Variants in TENM1 observed in about 807,000 individuals in gnomAD.
The protein encoded by TENM1 is teneurin transmembrane protein 1.
TENM1 carries 35 observed loss-of-function variants against 174.8 expected under a neutral mutation model. That is an observed-to-expected ratio of 0.20 (90% CI 0.15 to 0.27). The LOEUF is 0.27. Among genes scored for constraint, TENM1 ranks in the 10% least tolerant of loss-of-function variants. The pLI, the probability that TENM1 is intolerant of heterozygous loss-of-function variation, is 1.00. For synonymous variants in TENM1, 781 were observed against 798.7 expected (o/e 0.98, Z 0.37); for missense variants, 1,633 against 2,130.1 (o/e 0.77, Z 4.59).
chrX:124,959,752 T>C (rs1312689648), intron 1 of TENM1, among the ~76,000 whole-genome samples: 1 of 111,995 alleles, frequency 8.9e-6, no homozygotes, highest in East Asian at 2.8e-4. Flanking sequence ...TTAATCACTA[T>C]TCTCTCAGTT....
chrX:124,846,076 TAGGAAG>T (rs937763345), intron 3 of TENM1, among the ~76,000 whole-genome samples: 1 of 109,658 alleles, frequency 9.1e-6, no homozygotes, highest in Non-Finnish European at 1.9e-5. Context: ...GGAAGGAGGT[TAGGAAG>T]AGATATGCCC....
At chrX:124,481,806 T>C in exon 22 of TENM1, 1 of 1,206,667 alleles carries the variant, frequency 8.3e-7, no homozygotes, top group South Asian at 1.8e-5. Context: ...GGGAAGGCAC[T>C]GATCACCAGT....
intron 14 of TENM1, 34 bp downstream of exon 17, chrX:124,561,637 C>T: frequency 8.3e-7 from 1 of 1,207,424 alleles, no homozygotes; most frequent in South Asian, 1.8e-5. Flanking sequence ...CTGGGCTATT[C>T]CTTTCTTACG....
At chrX:124,752,504 C>A (rs2054101781) in intron 3 of TENM1, among the ~76,000 whole-genome samples, 1 of 111,533 alleles carries the variant, frequency 9.0e-6, no homozygotes, top group South Asian at 3.8e-4. Context: ...TAATGAGATC[C>A]CATTTGTCAA....
the TENM1 span, among the ~76,000 whole-genome samples, chrX:125,061,089 T>TTAC: frequency 0.33 from 36,332 of 109,080 alleles, 6,209 homozygotes; most frequent in African/African-American, 0.65. Flanking sequence ...TGTTGCATAA[T>TTAC]TACAACCGAT....
At chrX:124,886,548 T>TATATATATAG (rs1187597592) in intron 3 of TENM1, among the ~76,000 whole-genome samples, 2 of 59,977 alleles carry the variant, frequency 3.3e-5, no homozygotes, top group Non-Finnish European at 5.9e-5. Flanking sequence ...TATATATATA[T>TATATATATAG]AGAGAGAGAG....
chrX:124,886,631 A>G (rs1466612771), intron 3 of TENM1, among the ~76,000 whole-genome samples: 1 of 103,408 alleles, frequency 9.7e-6, no homozygotes, highest in Non-Finnish European at 2.0e-5. Context: ...TTAAAAATGT[A>G]AATCTTATCA....
chrX:125,132,057 T>C, the TENM1 span, among the ~76,000 whole-genome samples: 1 of 112,398 alleles, frequency 8.9e-6, no homozygotes, highest in Non-Finnish European at 1.9e-5. Flanking sequence ...GATTATTCCC[T>C]GTATCCCACA....
intron 25 of TENM1, among the ~76,000 whole-genome samples, chrX:124,418,372 A>G (rs1307439514): frequency 9.6e-6 from 1 of 104,326 alleles, no homozygotes; most frequent in Admixed American, 1.0e-4. Context: ...CCCCCCAGAT[A>G]TTCATATGGC....
At chrX:125,090,223 A>G in the TENM1 span, among the ~76,000 whole-genome samples, 1 of 111,857 alleles carries the variant, frequency 8.9e-6, no homozygotes, top group Non-Finnish European at 1.9e-5. Flanking sequence ...GGGACTTTCC[A>G]CTGTATGTCA....
chrX:124,702,025 T>A (rs12391324), intron 5 of TENM1, among the ~76,000 whole-genome samples: 1 of 111,942 alleles, frequency 8.9e-6, no homozygotes, highest in Non-Finnish European at 1.9e-5. Context: ...GGAATTTGCA[T>A]GGGAAACAGA....
chrX:124,680,715 C>A (rs181051302), intron 5 of TENM1, among the ~76,000 whole-genome samples: 14 of 111,607 alleles, frequency 1.3e-4, no homozygotes, highest in African/African-American at 4.5e-4. Context: ...TAAATTTAGA[C>A]ATGAATCAGT....
At chrX:124,914,511 A>C (rs2057890239) in intron 1 of TENM1, among the ~76,000 whole-genome samples, 1 of 111,869 alleles carries the variant, frequency 8.9e-6, no homozygotes, top group South Asian at 3.7e-4. Context: ...CATTTGTCAT[A>C]TAGATATTTA....
chrX:124,452,089 T>C (rs756792994), intron 23 of TENM1, among the ~76,000 whole-genome samples: 3 of 112,296 alleles, frequency 2.7e-5, no homozygotes, highest in African/African-American at 9.7e-5. Context: ...ACAGGCAACC[T>C]ACAAAATGGG....
At chrX:125,070,621 C>T in the TENM1 span, among the ~76,000 whole-genome samples, 1 of 111,464 alleles carries the variant, frequency 9.0e-6, no homozygotes, top group African/African-American at 3.3e-5. Flanking sequence ...CACTATCAAG[C>T]CGTATGACCT....
the TENM1 span, among the ~76,000 whole-genome samples, chrX:125,066,743 A>G: frequency 8.9e-6 from 1 of 112,231 alleles, no homozygotes; most frequent in Admixed American, 9.5e-5. Context: ...AATCAAACTA[A>G]ATGAAATATT....
At chrX:125,147,796 C>G in the TENM1 span, among the ~76,000 whole-genome samples, 1 of 111,495 alleles carries the variant, frequency 9.0e-6, no homozygotes, top group African/African-American at 3.3e-5. Context: ...AAGAGAAAAC[C>G]CTCATTATCT....
intron 3 of TENM1, among the ~76,000 whole-genome samples, chrX:124,773,721 C>T (rs1461117370): frequency 9.0e-6 from 1 of 111,146 alleles, no homozygotes; most frequent in Non-Finnish European, 1.9e-5. Context: ...ATATATGGAC[C>T]CCCAGAATGC....
chrX:124,551,739 G>A (rs1175969253), intron 14 of TENM1, among the ~76,000 whole-genome samples: 1 of 111,871 alleles, frequency 8.9e-6, no homozygotes, highest in Non-Finnish European at 1.9e-5. Context: ...AAGCTGGAAA[G>A]GTAATCATAA....
Sources: gnomAD v4.1 joint callset for allele counts (sites outside exome capture counted in the v4.1 genomes callset) on GRCh38, gnomAD v4.1.1 for gene constraint, MANE v1.5 for transcripts, NCBI Gene and HGNC (gene_info 2026-07-23, HGNC 2026-07-21) for gene names.